KIF27: variants seen among roughly 807,000 people sequenced by gnomAD.
The protein encoded by KIF27 is kinesin-like protein KIF27.
In KIF27, 84 loss-of-function variants were observed where a neutral mutation model predicts 141.8. That is an observed-to-expected ratio of 0.59 (90% CI 0.50 to 0.71). KIF27 has a LOEUF of 0.71. Among genes scored for constraint, KIF27 ranks in the 30% least tolerant of loss-of-function variants. KIF27 has a pLI of 0.00. For missense variants in KIF27, 1,306 were observed against 1,628.4 expected (o/e 0.80, Z 3.41); for synonymous variants, 471 against 569.5 (o/e 0.83, Z 2.46).
intron 16 of KIF27, chr9:83,848,819 T>A (rs1420885829): frequency 6.8e-6 from 1 of 147,402 alleles, no homozygotes; most frequent in Non-Finnish European, 1.5e-5. Flanking sequence ...CTTTTTTACT[T>A]TTTTTTTTTT....
Position 83,888,595 on chromosome 9 carries a change from TAA to T in KIF27, c.1980-5_1980-4del. 1.3e-6 allele frequency: 2 copies of T among 1,490,498 alleles called. No individual in the cohort carries two copies. Among genetic ancestry groups the T allele is most frequent in the Non-Finnish European group, 1.8e-6 (2 of 1,093,130 alleles). 92.3% of individuals were successfully genotyped at this position (1,490,498 alleles called of 1,614,324 possible). ...GAATCCATGAACGACTTCTACATCT[TAA>T]AAAAAAATCAGAAAGTTAACTTATT... On this transcript the variant is annotated splice_region_variant and splice_polypyrimidine_tract_variant and intron_variant, in intron 7 of 17. Coordinates refer to ENST00000297814, the MANE Select transcript of KIF27 (RefSeq NM_017576.4).
chr9:83,842,933 C>G (rs1276019565), intron 16 of KIF27, among the ~76,000 whole-genome samples: 16 of 152,104 alleles, frequency 1.1e-4, no homozygotes, highest in African/African-American at 2.4e-4. Context: ...CATCCTACCC[C>G]CTACCAACCC....
chr9:83,835,294 T>A lies in KIF27; in HGVS notation c.*1707A>T, dbSNP rs1769483961. The stretch of plus-strand genomic sequence containing the variant: ...TATTTATATATAAATGTACATAAAT[T>A]TATAAAAATGGAAGACTAGCTGGAA... On this transcript the variant is annotated 3_prime_UTR_variant, in exon 18 of 18. Coordinates refer to ENST00000297814, the MANE Select transcript of KIF27 (RefSeq NM_017576.4). Among the ~76,000 whole-genome samples, 1 of 151,582 alleles carries A rather than the reference T, an allele frequency of 6.6e-6. No individual in the cohort carries two copies. Among genetic ancestry groups the A allele is most frequent in the African/African-American group, 2.4e-5 (1 of 41,356 alleles).
intron 16 of KIF27, among the ~76,000 whole-genome samples, chr9:83,846,043 T>C (rs1008202602): frequency 1.3e-5 from 2 of 152,036 alleles, no homozygotes; most frequent in South Asian, 2.1e-4. Context: ...AAAGTGGCCA[T>C]GGTGGCAGGG....
intron 1 of KIF27, among the ~76,000 whole-genome samples, chr9:83,917,490 G>C (rs887734708): frequency 2.0e-5 from 3 of 152,086 alleles, no homozygotes; most frequent in Non-Finnish European, 4.4e-5. Context: ...AAACTCAAGA[G>C]ACAGAGAATA....
Position 83,850,165 on chromosome 9 carries a change from G to A in KIF27, c.3490C>T (p.Arg1164Trp), listed in dbSNP as rs377744428. Residue 1164 changes from arginine to tryptophan, a missense_variant, in exon 16 of 18, where the codon CGG (arginine) becomes TGG (tryptophan). Physicochemically the swap from Arg to Trp is moderately radical, Grantham distance 101. This residue lies in a region of KIF27 where 596 missense variants were observed against 751.6 expected (regional missense o/e 0.79). Transcript: ENST00000297814. The stretch of plus-strand genomic sequence containing the variant: ...TCCTTTTGCTGGAGGGTCAGTCTCC[G>A]GTCACACTGCAATTTTAGATGGTCC... ...ALDHLKLQCD[R>W]RLTLQQKEHE... The A allele has an allele frequency of 1.1e-4, 185 of 1,613,732 alleles. 1 individual carries two copies. In the East Asian group the frequency reaches 2.9e-3, roughly 25 times the overall value.
At chr9:83,908,906 C>T (rs1405295095) in intron 2 of KIF27, among the ~76,000 whole-genome samples, 1 of 152,020 alleles carries the variant, frequency 6.6e-6, no homozygotes, top group African/African-American at 2.4e-5. Flanking sequence ...ATTACAGATG[C>T]CCACCACCAG....
chr9:83,904,633 A>C (rs534108304), intron 3 of KIF27, among the ~76,000 whole-genome samples: 16 of 152,318 alleles, frequency 1.1e-4, no homozygotes, highest in South Asian at 4.1e-4. Flanking sequence ...GGCCTCCCAA[A>C]GTGCTGGGAT....
At chr9:83,900,732 C>T (rs1563982939) in intron 4 of KIF27, among the ~76,000 whole-genome samples, 2 of 151,756 alleles carry the variant, frequency 1.3e-5, no homozygotes, top group African/African-American at 2.4e-5. Context: ...TATATATACA[C>T]GTATATATAT....
intron 13 of KIF27, among the ~76,000 whole-genome samples, chr9:83,866,159 C>A (rs1950337249): frequency 6.6e-6 from 1 of 152,040 alleles, no homozygotes; most frequent in Non-Finnish European, 1.5e-5. Context: ...CTGTTTTCAT[C>A]TTTATGCTAC....
intron 5 of KIF27, among the ~76,000 whole-genome samples, chr9:83,894,558 G>A (rs749288026): frequency 1.3e-5 from 2 of 152,166 alleles, no homozygotes; most frequent in African/African-American, 4.8e-5. Flanking sequence ...TTTGGTTCAT[G>A]CTAGGCAAAG....
At chr9:83,861,866 C>T (rs1334906030) in intron 13 of KIF27, among the ~76,000 whole-genome samples, 1 of 150,948 alleles carries the variant, frequency 6.6e-6, no homozygotes, top group East Asian at 1.9e-4. Context: ...TTAATGATTG[C>T]CATTCTAACT....
At chr9:83,904,487 G>C (rs1160593042) in intron 3 of KIF27, among the ~76,000 whole-genome samples, 1 of 152,006 alleles carries the variant, frequency 6.6e-6, no homozygotes, top group Non-Finnish European at 1.5e-5. Context: ...TCCTGCCTTA[G>C]CCTCCCGAGT....
chr9:83,860,193 G>A (rs1356529053), intron 13 of KIF27: 1 of 152,082 alleles, frequency 6.6e-6, no homozygotes, highest in African/African-American at 2.4e-5. Flanking sequence ...GTAATTATTT[G>A]TATATACTAC....
At chr9:83,881,548 G>A (rs1298088844) in intron 10 of KIF27, among the ~76,000 whole-genome samples, 1 of 152,186 alleles carries the variant, frequency 6.6e-6, no homozygotes, top group Non-Finnish European at 1.5e-5. Context: ...GCACTCCTCA[G>A]CATACTGTTA....
At chr9:83,912,365 G>A (rs1588314247) in intron 2 of KIF27, among the ~76,000 whole-genome samples, 2 of 152,216 alleles carry the variant, frequency 1.3e-5, no homozygotes, top group East Asian at 3.9e-4. Context: ...TAAGAGGCAA[G>A]ACTGCCATCA....
intron 2 of KIF27, among the ~76,000 whole-genome samples, chr9:83,909,313 G>A (rs1954902410): frequency 6.6e-6 from 1 of 152,126 alleles, no homozygotes; most frequent in South Asian, 2.1e-4. Flanking sequence ...TGACATCTGA[G>A]AAAAGACTTG....
chr9:83,868,866 A>G (rs1950560611), intron 12 of KIF27, among the ~76,000 whole-genome samples: 1 of 152,212 alleles, frequency 6.6e-6, no homozygotes, highest in Non-Finnish European at 1.5e-5. Context: ...TATAAGCACT[A>G]TCATGTCCAG....
chr9:83,848,294 AGATAT>A (rs767030417), intron 16 of KIF27, among the ~76,000 whole-genome samples: 1 of 113,766 alleles, frequency 8.8e-6, no homozygotes, highest in Non-Finnish European at 1.7e-5. Flanking sequence ...ATGATATATC[AGATAT>A]GATATATATG....
Sources: gnomAD v4.1 joint callset for allele counts (sites outside exome capture counted in the v4.1 genomes callset) on GRCh38, gnomAD v4.1.1 for gene constraint, gnomAD v4.1.1 regional missense constraint, MANE v1.5 for transcripts, NCBI Gene and HGNC (gene_info 2026-07-23, HGNC 2026-07-21) for gene names.